WDR37: variants seen among roughly 807,000 people sequenced by gnomAD.
WDR37 encodes the protein WD repeat domain 37.
WDR37 carries 19 observed loss-of-function variants against 62.9 expected under a neutral mutation model. That is an observed-to-expected ratio of 0.30 (90% CI 0.21 to 0.44). The LOEUF is 0.44. Among genes scored for constraint, WDR37 ranks in the 20% least tolerant of loss-of-function variants. The pLI, the probability that WDR37 is intolerant of heterozygous loss-of-function variation, is 1.00. For missense variants in WDR37, 474 were observed against 657.6 expected, an observed-to-expected ratio of 0.72 and a Z score of 3.05; for synonymous variants, 250 against 260.9, an observed-to-expected ratio of 0.96 and a Z score of 0.40.
intron 13 of WDR37, among the ~76,000 whole-genome samples, chr10:1,126,778 G>A (rs562523786): frequency 2.1e-4 from 32 of 152,304 alleles, no homozygotes; most frequent in Admixed American, 5.9e-4. Flanking sequence ...CTTTTCTTCC[G>A]GTAGCACAGA....
chr10:1,084,513 A>G lies in WDR37; in HGVS notation c.507A>G (p.Pro169=), dbSNP rs1180017453. Residue 169 remains proline, a synonymous_variant, in exon 6 of 14, where the codon CCA becomes CCG. Coordinates refer to ENST00000263150, the MANE Select transcript of WDR37 (RefSeq NM_014023.4). The part of the protein sequence containing the change: ...IWDVSVAKTQ[P]VVLGTASADH... ...ATGTCAGCGTGGCCAAGACACAGCC[A>G]GTGGTGCTCGGGACTGCATCAGCCG... The G allele has an allele frequency of 6.2e-7, 1 of 1,614,140 alleles. No homozygotes were observed. The highest frequency in any genetic ancestry group is 2.2e-5 in the East Asian group (1 of 44,862).
chr10:1,058,584 C>A (rs1265005860), intron 1 of WDR37, among the ~76,000 whole-genome samples: 1 of 152,212 alleles, frequency 6.6e-6, no homozygotes, highest in African/African-American at 2.4e-5. Context: ...TTTTGAAAAT[C>A]TTGATGGCTA....
At chr10:1,126,097 G>A (rs1046928704) in intron 13 of WDR37, among the ~76,000 whole-genome samples, 2 of 152,148 alleles carry the variant, frequency 1.3e-5, no homozygotes, top group African/African-American at 2.4e-5. Flanking sequence ...GGTCAGCTGC[G>A]ATGCACAGAA....
At chr10:1,093,589 G>A in intron 8 of WDR37, 93 bp downstream of exon 8, 1 of 1,077,920 alleles carries the variant, frequency 9.3e-7, no homozygotes, top group Non-Finnish European at 1.3e-6. Flanking sequence ...ATAATCCATG[G>A]CTTTTATGAA....
In WDR37 at chr10:1,102,841, T is replaced by G. The variant is rs12358405; in HGVS notation, c.727-761T>G. ...CTAACGGGTGTGTGTGTGTGTGGTC[T>G]CTCTCTTTTGCTAGAACAGAAGTTC... On this transcript the variant is annotated intron_variant, in intron 9 of 13. Coordinates refer to ENST00000263150, the MANE Select transcript of WDR37 (RefSeq NM_014023.4). 2.6e-3 allele frequency among the ~76,000 whole-genome samples: 403 copies of G among 152,310 alleles called. 1 individual carries two copies. The highest frequency in any genetic ancestry group is 4.7e-3 in the Non-Finnish European group (317 of 68,024).
intron 1 of WDR37, among the ~76,000 whole-genome samples, chr10:1,057,453 C>T (rs1242210462): frequency 6.6e-6 from 1 of 152,180 alleles, no homozygotes. Flanking sequence ...GGCCTTTCTT[C>T]TCTCCAAAGA....
rs558775349 is a variant in WDR37 at position 1,131,200 on chromosome 10, A to T, written c.*1856A>T. On this transcript the variant is annotated 3_prime_UTR_variant, in exon 14 of 14. Transcript: ENST00000263150. ...GGGCCTCACTTTTTCTCTTGGCTGG[A>T]GGTCCAATTGCCAGAGCCTCCCACA... 7.9e-5 allele frequency: 12 copies of T among 152,412 alleles called. No homozygotes were observed. In the East Asian group the frequency reaches 2.3e-3, roughly 29 times the overall value. The allele number at this position is 152,412 out of a possible 1,614,324, so 9.4% of individuals were successfully genotyped here.
At chr10:1,125,266 G>A (rs576808756) in intron 13 of WDR37, among the ~76,000 whole-genome samples, 1 of 152,112 alleles carries the variant, frequency 6.6e-6, no homozygotes, top group East Asian at 1.9e-4. Flanking sequence ...GCCCAGGCTG[G>A]AGTGCAGTGG....
Position 1,098,070 on chromosome 10 carries a change from G to A in WDR37, c.726+1824G>A, listed in dbSNP as rs112674541. 5.3e-5 allele frequency among the ~76,000 whole-genome samples: 8 copies of A among 152,244 alleles called. 1 individual carries two copies. The highest frequency in any genetic ancestry group is 1.9e-4 in the African/African-American group (8 of 41,536). ...GCCATGCAAGAAGGATATGAATTTG[G>A]GGGAGGCCAGGGACAGGATGTTCTC... On this transcript the variant is annotated intron_variant, in intron 9 of 13. Coordinates refer to ENST00000263150, the MANE Select transcript of WDR37 (RefSeq NM_014023.4).
Position 1,129,396 on chromosome 10 carries a change from G to C in WDR37, c.*52G>C. The C allele has an allele frequency of 6.2e-7, 1 of 1,605,094 alleles. No individual in the cohort carries two copies. The highest frequency in any genetic ancestry group is 2.2e-5 in the East Asian group (1 of 44,610). Reference sequence around the variant, plus strand: ...GTTTGCCAGCACAGACCTTTGATGGGTGCAGGCTTTTCTGCGTATTAATCA... The same window carrying C: ...GTTTGCCAGCACAGACCTTTGATGGCTGCAGGCTTTTCTGCGTATTAATCA... On this transcript the variant is annotated 3_prime_UTR_variant, in exon 14 of 14. Coordinates refer to ENST00000263150, the MANE Select transcript of WDR37 (RefSeq NM_014023.4).
Position 1,131,683 on chromosome 10 carries a change from G to GCT in WDR37, c.*2339_*2340insCT, listed in dbSNP as rs1835949739. 1 of 133,748 alleles carries GCT rather than the reference G, an allele frequency of 7.5e-6. No homozygotes were observed. The highest frequency in any genetic ancestry group is 2.5e-5 in the African/African-American group (1 of 39,900). The allele number at this position is 133,748 out of a possible 1,614,324, so 8.3% of individuals were successfully genotyped here. A position where few individuals can be genotyped will look rare whatever the true frequency, so the allele number is the denominator to read the frequency against. The stretch of plus-strand genomic sequence containing the variant: ...AGGAGTCACAGACAAGATCGGGGAT[G>GCT]GTGTGTGTGTGTGTGTGTGTGTGTG... On this transcript the variant is annotated 3_prime_UTR_variant, in exon 14 of 14. Transcript: ENST00000263150.
chr10:1,089,963 A>T (rs938993753), intron 7 of WDR37, among the ~76,000 whole-genome samples: 2 of 151,728 alleles, frequency 1.3e-5, no homozygotes, highest in Non-Finnish European at 2.9e-5. Context: ...GTGTTTTTCC[A>T]CTAGGGGATT....
At chr10:1,104,181 C>T (rs956390396) in intron 10 of WDR37, among the ~76,000 whole-genome samples, 1 of 152,182 alleles carries the variant, frequency 6.6e-6, no homozygotes. Flanking sequence ...ATTCTGGGCC[C>T]GTGGTAGCTG....
At chr10:1,086,185 C>A in intron 6 of WDR37, 101 bp from the exon 7 acceptor site, 1 of 860,454 alleles carries the variant, frequency 1.2e-6, no homozygotes, top group South Asian at 1.5e-5. Flanking sequence ...TATCAGTGGT[C>A]GTGTAATTTC....
intron 9 of WDR37, among the ~76,000 whole-genome samples, chr10:1,100,561 C>T (rs529140997): frequency 1.8e-4 from 27 of 152,290 alleles, no homozygotes; most frequent in African/African-American, 5.3e-4. Context: ...TTTGGGCAAA[C>T]GTCTTGTGTT....
At chr10:1,104,251 A>G (rs557415912) in intron 10 of WDR37, among the ~76,000 whole-genome samples, 20 of 152,252 alleles carry the variant, frequency 1.3e-4, no homozygotes, top group African/African-American at 4.8e-4. Context: ...GGACCTCCCC[A>G]AGGCTGCGGT....
chr10:1,122,685 T>C (rs913701743), intron 11 of WDR37, among the ~76,000 whole-genome samples: 6 of 152,272 alleles, frequency 3.9e-5, no homozygotes, highest in African/African-American at 1.2e-4. Context: ...AAAGAGGTGA[T>C]TGAATTTTCT....
intron 2 of WDR37, 21 bp from the exon 3 acceptor site, chr10:1,077,886 A>G: frequency 6.3e-7 from 1 of 1,582,898 alleles, no homozygotes. Flanking sequence ...CATTCATTTT[A>G]AACAAAGTCT....
intron 9 of WDR37, among the ~76,000 whole-genome samples, chr10:1,099,117 A>G (rs749511471): frequency 2.6e-5 from 4 of 152,252 alleles, no homozygotes; most frequent in Non-Finnish European, 5.9e-5. Context: ...TTTATACCAT[A>G]AATTCATAAA....
Sources: allele counts gnomAD v4.1 joint callset (sites outside exome capture counted in the v4.1 genomes callset), GRCh38; gene constraint gnomAD v4.1.1; transcripts MANE v1.5; gene names NCBI Gene and HGNC (gene_info 2026-07-23, HGNC 2026-07-21).